The following ARFIP1 variants were observed in gnomAD, a reference collection of about 807,000 sequenced individuals.
ARFIP1 encodes ARF interacting protein 1.
Under a neutral mutation model 42.5 loss-of-function variants are expected in ARFIP1, and 24 were observed. The observed-to-expected ratio is 0.57, with a 90% confidence interval of 0.41 to 0.80. The LOEUF is 0.80. Among genes scored for constraint, ARFIP1 ranks in the 30% least tolerant of loss-of-function variants. ARFIP1 has a pLI of 0.00. For missense variants in ARFIP1, 354 were observed against 434.0 expected, an observed-to-expected ratio of 0.82 and a Z score of 1.64; for synonymous variants, 141 against 153.7, an observed-to-expected ratio of 0.92 and a Z score of 0.61.
At chr4:152,860,152 G>T (rs1733772104) in intron 2 of ARFIP1, among the ~76,000 whole-genome samples, 1 of 152,110 alleles carries the variant, frequency 6.6e-6, no homozygotes, top group Admixed American at 6.5e-5. Context: ...ACCAGATGTT[G>T]TAGTGTACTT....
intron 2 of ARFIP1, among the ~76,000 whole-genome samples, chr4:152,834,213 A>G (rs932925915): frequency 2.6e-5 from 4 of 152,294 alleles, no homozygotes; most frequent in Admixed American, 1.3e-4. Flanking sequence ...GTCACTTCCC[A>G]CAAGGCCCCA....
intron 2 of ARFIP1, among the ~76,000 whole-genome samples, chr4:152,833,653 C>T (rs573197056): frequency 8.3e-4 from 127 of 152,224 alleles, no homozygotes; most frequent in African/African-American, 3.0e-3. Flanking sequence ...AAAATATATA[C>T]ATACACATAC....
chr4:152,870,718 A>G (rs1734805694), intron 3 of ARFIP1, 35 bp from the exon 4 acceptor site: 1 of 1,490,608 alleles, frequency 6.7e-7, no homozygotes, highest in Admixed American at 1.7e-5. Context: ...GGAGGAGGAA[A>G]AGGATTTTCA....
rs1738890161 is a variant in ARFIP1 at position 152,912,085 on chromosome 4, A to T, written c.*1866A>T. The T allele has an allele frequency of 6.6e-6, 1 of 152,256 alleles. No individual in the cohort carries two copies. Among genetic ancestry groups the T allele is most frequent in the African/African-American group, 2.4e-5 (1 of 41,456 alleles). The allele number at this position is 152,256 out of a possible 1,614,324, so 9.4% of individuals were successfully genotyped here. On this transcript the variant is annotated 3_prime_UTR_variant, in exon 9 of 9. Coordinates refer to ENST00000353617, the MANE Select transcript of ARFIP1 (RefSeq NM_001025595.3). Reference sequence around the variant, plus strand: ...TCTCTTTTGAGAGCTGAACATGTCCATTCTTAACCACATTTCAATAACAGT... The same window carrying T: ...TCTCTTTTGAGAGCTGAACATGTCCTTTCTTAACCACATTTCAATAACAGT...
At chr4:152,822,856 C>T (rs903470665) in intron 1 of ARFIP1, among the ~76,000 whole-genome samples, 3 of 152,060 alleles carry the variant, frequency 2.0e-5, no homozygotes, top group Admixed American at 2.0e-4. Flanking sequence ...AAAATTTTTG[C>T]AGTGAATGAT....
chr4:152,809,709 G>A (rs1270441405), intron 1 of ARFIP1: 1 of 152,098 alleles, frequency 6.6e-6, no homozygotes, highest in Non-Finnish European at 1.5e-5. Context: ...CACTTTTTTG[G>A]TTGTACAATA....
chr4:152,872,647 T>A, intron 5 of ARFIP1, 83 bp downstream of exon 5: 1 of 664,302 alleles, frequency 1.5e-6, no homozygotes, highest in Non-Finnish European at 2.4e-6. Flanking sequence ...ATGTTGCAAT[T>A]AAATGCACAT....
intron 5 of ARFIP1, among the ~76,000 whole-genome samples, chr4:152,879,624 C>G (rs1054758098): frequency 2.0e-5 from 3 of 151,362 alleles, no homozygotes; most frequent in Admixed American, 2.0e-4. Flanking sequence ...CCAAGACGGG[C>G]AGATCACTTG....
chr4:152,807,486 G>A (rs1729079064), intron 1 of ARFIP1, among the ~76,000 whole-genome samples: 2 of 151,974 alleles, frequency 1.3e-5, no homozygotes, highest in African/African-American at 4.8e-5. Context: ...ATCTTATTGT[G>A]GTTTTAATTT....
chr4:152,793,334 A>G (rs1050280047), intron 1 of ARFIP1, among the ~76,000 whole-genome samples: 3 of 147,690 alleles, frequency 2.0e-5, no homozygotes, highest in African/African-American at 7.4e-5. Flanking sequence ...AATGATATAT[A>G]TATATATAAT....
At chr4:152,855,322 C>T (rs188075475) in intron 2 of ARFIP1, among the ~76,000 whole-genome samples, 16 of 152,120 alleles carry the variant, frequency 1.1e-4, no homozygotes, top group South Asian at 4.2e-4. Flanking sequence ...GTCCTCAGGC[C>T]CCCCATGGTG....
intron 8 of ARFIP1, among the ~76,000 whole-genome samples, chr4:152,909,481 T>C (rs937673549): frequency 2.0e-5 from 3 of 152,190 alleles, no homozygotes; most frequent in Admixed American, 6.5e-5. Flanking sequence ...CTTATAGAGG[T>C]AGTATGACTT....
chr4:152,809,266 A>G (rs537306648), intron 1 of ARFIP1, among the ~76,000 whole-genome samples: 2 of 152,320 alleles, frequency 1.3e-5, no homozygotes, highest in African/African-American at 4.8e-5. Context: ...CTTTAAATGC[A>G]TAGTGGCCAT....
Position 152,787,203 on chromosome 4 carries a change from A to T in ARFIP1, c.-10+6977A>T, listed in dbSNP as rs570630594. The stretch of plus-strand genomic sequence containing the variant: ...TTAATGGTATTAAGGATTTCAGTTC[A>T]TCGAGTTTTGTAATACAAGAATTTG... On this transcript the variant is annotated intron_variant, in intron 1 of 8. Transcript: ENST00000353617. Among the ~76,000 whole-genome samples, 356 of 152,228 alleles carry T rather than the reference A, an allele frequency of 2.3e-3. 1 individual carries two copies. Among genetic ancestry groups the T allele is most frequent in the Non-Finnish European group, 4.0e-3 (271 of 68,038 alleles).
At chr4:152,856,244 ATATTC>A (rs951101460) in intron 2 of ARFIP1, among the ~76,000 whole-genome samples, 2 of 152,174 alleles carry the variant, frequency 1.3e-5, no homozygotes, top group Non-Finnish European at 2.9e-5. Flanking sequence ...AATTTACACA[ATATTC>A]TATGACAGGA....
intron 8 of ARFIP1, among the ~76,000 whole-genome samples, chr4:152,898,113 G>A (rs192421232): frequency 6.6e-6 from 1 of 151,646 alleles, no homozygotes; most frequent in East Asian, 1.9e-4. Context: ...CTCCTGAGTG[G>A]CTGGGATTAC....
At chr4:152,862,462 A>T (rs1459609905) in intron 2 of ARFIP1, among the ~76,000 whole-genome samples, 1 of 151,964 alleles carries the variant, frequency 6.6e-6, no homozygotes, top group East Asian at 1.9e-4. Context: ...AAAAAAAAAA[A>T]GGATAACTAT....
intron 8 of ARFIP1, among the ~76,000 whole-genome samples, chr4:152,893,507 T>C (rs1737042600): frequency 6.6e-6 from 1 of 152,148 alleles, no homozygotes; most frequent in Non-Finnish European, 1.5e-5. Flanking sequence ...TAATTTAACT[T>C]GGGAATGATA....
At chr4:152,870,465 TAG>T (rs1389831765) in intron 3 of ARFIP1, among the ~76,000 whole-genome samples, 7 of 152,314 alleles carry the variant, frequency 4.6e-5, no homozygotes, top group African/African-American at 1.4e-4. Context: ...ATTTTGGAAA[TAG>T]TAGAGTCCAG....
Sources: gnomAD v4.1 joint callset for allele counts (sites outside exome capture counted in the v4.1 genomes callset) on GRCh38, gnomAD v4.1.1 for gene constraint, MANE v1.5 for transcripts, NCBI Gene and HGNC (gene_info 2026-07-23, HGNC 2026-07-21) for gene names.